Variants in PLCL2 observed in about 807,000 individuals in gnomAD.
PLCL2 encodes phospholipase C like 2.
A neutral mutation model predicts 79.6 loss-of-function variants in PLCL2; 4 were observed. That is an observed-to-expected ratio of 0.05 (90% confidence interval 0.02 to 0.11). PLCL2 has a LOEUF of 0.11. Ranked by LOEUF, PLCL2 falls within the 10% of genes least tolerant of loss-of-function variation. PLCL2 has a pLI of 1.00. For missense variants in PLCL2, 895 were observed against 1,291.0 expected, an observed-to-expected ratio of 0.69 and a Z score of 4.70; for synonymous variants, 484 against 457.7, an observed-to-expected ratio of 1.06 and a Z score of -0.73.
At chr3:16,988,982 A>G (rs1177591074) in intron 1 of PLCL2, among the ~76,000 whole-genome samples, 1 of 151,732 alleles carries the variant, frequency 6.6e-6, no homozygotes, top group African/African-American at 2.4e-5. Flanking sequence ...TATTATAGAG[A>G]TCTATAATAG....
intron 1 of PLCL2, among the ~76,000 whole-genome samples, chr3:16,923,219 A>G (rs1697163620): frequency 6.6e-6 from 1 of 152,212 alleles, no homozygotes; most frequent in Non-Finnish European, 1.5e-5. Flanking sequence ...GGGAGAGCTC[A>G]GTCCATAACA....
intron 1 of PLCL2, among the ~76,000 whole-genome samples, chr3:17,004,628 C>A (rs1230890713): frequency 6.6e-6 from 1 of 152,044 alleles, no homozygotes; most frequent in Non-Finnish European, 1.5e-5. Context: ...AAGAGCACAT[C>A]AAAGTTTTAA....
chr3:17,030,105 T>G (rs561816650), intron 3 of PLCL2, among the ~76,000 whole-genome samples: 1 of 152,284 alleles, frequency 6.6e-6, no homozygotes, highest in South Asian at 2.1e-4. Flanking sequence ...TCTCTCATTT[T>G]TTTAAGAAAT....
rs1420008185 is a variant in PLCL2, at chr3:17,089,977, T to C, written c.*65T>C. 5 of 1,524,724 alleles carry C rather than the reference T, an allele frequency of 3.3e-6. No individual in the cohort carries two copies. The Admixed American group carries it at 1.1e-4, about 34-fold the overall frequency. The allele number at this position is 1,524,724 out of a possible 1,614,324, so 94.4% of individuals were successfully genotyped here. ...GGACCAATTGTAGTCAGATGGGACATTTGCTTTGCACTCACTAATGAGAAT... is the reference window on the plus strand; with the variant it reads ...GGACCAATTGTAGTCAGATGGGACACTTGCTTTGCACTCACTAATGAGAAT... On this transcript the variant is annotated 3_prime_UTR_variant, in exon 6 of 6. Transcript: ENST00000615277.
chr3:16,974,176 G>A (rs1220277250), intron 1 of PLCL2, among the ~76,000 whole-genome samples: 2 of 152,164 alleles, frequency 1.3e-5, no homozygotes, highest in East Asian at 3.9e-4. Context: ...TCCTTGCAGG[G>A]ACTTGTGGGC....
chr3:16,955,622 A>G (rs1447665229), intron 1 of PLCL2, among the ~76,000 whole-genome samples: 1 of 152,180 alleles, frequency 6.6e-6, no homozygotes, highest in Non-Finnish European at 1.5e-5. Context: ...CTTGGGCAGT[A>G]TGGCCATTTT....
intron 1 of PLCL2, among the ~76,000 whole-genome samples, chr3:16,988,817 A>G (rs2064076341): frequency 6.6e-6 from 1 of 152,166 alleles, no homozygotes; most frequent in African/African-American, 2.4e-5. Context: ...AGGAAAAAAA[A>G]GGTATTCATC....
Position 16,972,018 on chromosome 3 carries a change from T to C in PLCL2, c.328-37656T>C, listed in dbSNP as rs1452882478. Among the ~76,000 whole-genome samples the C allele has an allele frequency of 1.3e-5, 2 of 151,994 alleles. 1 individual carries two copies. Among genetic ancestry groups the C allele is most frequent in the Non-Finnish European group, 2.9e-5 (2 of 67,996 alleles). Reference sequence around the variant, plus strand: ...AAACTCTCAATAAATTAGGTATTGATGGGACGTATCTCAAAATAATAAGAG... The same window carrying C: ...AAACTCTCAATAAATTAGGTATTGACGGGACGTATCTCAAAATAATAAGAG... On this transcript the variant is annotated intron_variant, in intron 1 of 5. Coordinates refer to ENST00000615277, the MANE Select transcript of PLCL2 (RefSeq NM_001144382.2).
At chr3:17,080,462 T>A (rs1350448616) in intron 5 of PLCL2, among the ~76,000 whole-genome samples, 3 of 152,192 alleles carry the variant, frequency 2.0e-5, no homozygotes, top group African/African-American at 7.2e-5. Flanking sequence ...ATTCTTCTTT[T>A]TTTTTCCAGA....
intron 1 of PLCL2, among the ~76,000 whole-genome samples, chr3:16,966,243 GT>G (rs2063805405): frequency 1.4e-5 from 2 of 144,536 alleles, no homozygotes; most frequent in African/African-American, 5.1e-5. Flanking sequence ...GTTGAATTTT[GT>G]CAAAGGCCTT....
chr3:16,974,436 G>A (rs1356959443), intron 1 of PLCL2, among the ~76,000 whole-genome samples: 6 of 152,112 alleles, frequency 3.9e-5, no homozygotes, highest in Non-Finnish European at 5.9e-5. Context: ...ACAGAAGGAA[G>A]AGTGGGTTGG....
chr3:16,899,609 G>A (rs759535984), intron 1 of PLCL2, among the ~76,000 whole-genome samples: 2 of 152,126 alleles, frequency 1.3e-5, no homozygotes, highest in African/African-American at 2.4e-5. Flanking sequence ...TGTAAAAAGT[G>A]CGTGAAATCT....
At chr3:17,007,169 A>C (rs536917231) in intron 1 of PLCL2, among the ~76,000 whole-genome samples, 55 of 152,146 alleles carry the variant, frequency 3.6e-4, no homozygotes, top group Non-Finnish European at 7.6e-4. Flanking sequence ...AACTAAAGAC[A>C]TCGGTCAGGC....
At chr3:16,947,159 A>G (rs1337787695) in intron 1 of PLCL2, among the ~76,000 whole-genome samples, 1 of 151,362 alleles carries the variant, frequency 6.6e-6, no homozygotes, top group Non-Finnish European at 1.5e-5. Flanking sequence ...GGTCTCACTC[A>G]GGCTGGCCTC....
intron 1 of PLCL2, among the ~76,000 whole-genome samples, chr3:16,889,170 T>C (rs1442931883): frequency 6.6e-6 from 1 of 152,220 alleles, no homozygotes; most frequent in Non-Finnish European, 1.5e-5. Flanking sequence ...GTGCTTACCG[T>C]AATTCTCTGA....
chr3:16,987,045 T>TAATGGAAAAATA (rs2064057214), intron 1 of PLCL2, among the ~76,000 whole-genome samples: 1 of 150,452 alleles, frequency 6.6e-6, no homozygotes, highest in Admixed American at 6.6e-5. Context: ...CCAGACCCCA[T>TAATGGAAAAATA]AAATGTCAGA....
At chr3:16,964,840 G>T (rs2063789596) in intron 1 of PLCL2, among the ~76,000 whole-genome samples, 1 of 152,024 alleles carries the variant, frequency 6.6e-6, no homozygotes, top group Admixed American at 6.6e-5. Context: ...GTCTGTTCAT[G>T]TCCTTTGCCC....
chr3:16,990,468 GT>G (rs2064094083), intron 1 of PLCL2, among the ~76,000 whole-genome samples: 1 of 152,226 alleles, frequency 6.6e-6, no homozygotes, highest in Non-Finnish European at 1.5e-5. Context: ...AGAGACCAAA[GT>G]GTTTGTAAGC....
At chr3:17,025,308 G>A (rs2064504698) in intron 3 of PLCL2, among the ~76,000 whole-genome samples, 1 of 152,134 alleles carries the variant, frequency 6.6e-6, no homozygotes, top group Admixed American at 6.5e-5. Context: ...ATGTAGTTTA[G>A]AGAGGTATAT....
Sources: gnomAD v4.1 joint callset for allele counts (sites outside exome capture counted in the v4.1 genomes callset) on GRCh38, gnomAD v4.1.1 for gene constraint, MANE v1.5 for transcripts, NCBI Gene and HGNC (gene_info 2026-07-23, HGNC 2026-07-21) for gene names.